The following PALD1 variants were observed in gnomAD, a reference collection of about 807,000 sequenced individuals.
The protein encoded by PALD1 is paladin.
PALD1 carries 57 observed loss-of-function variants against 96.0 expected under a neutral mutation model. That is an observed-to-expected ratio of 0.59 (90% CI 0.48 to 0.74). The LOEUF is 0.74. Among genes scored for constraint, PALD1 ranks in the 30% least tolerant of loss-of-function variants. The pLI is 0.00. For missense variants in PALD1, 1,063 were observed against 1,143.7 expected, an observed-to-expected ratio of 0.93 and a Z score of 1.02; for synonymous variants, 464 against 473.6, an observed-to-expected ratio of 0.98 and a Z score of 0.26.
At chr10:70,538,689 G>A (rs759882812) in intron 12 of PALD1, among the ~76,000 whole-genome samples, 20 of 152,236 alleles carry the variant, frequency 1.3e-4, no homozygotes, top group Non-Finnish European at 2.8e-4. Context: ...TTCTCTTTGA[G>A]CCTCAGCTTC....
chr10:70,513,036 C>T (rs1846544600), intron 1 of PALD1, among the ~76,000 whole-genome samples: 1 of 152,218 alleles, frequency 6.6e-6, no homozygotes, highest in East Asian at 1.9e-4. Context: ...GGGCCACAAG[C>T]CGTCTCCCTC....
chr10:70,469,035 T>C, the PALD1 span, among the ~76,000 whole-genome samples: 1 of 152,114 alleles, frequency 6.6e-6, no homozygotes, highest in South Asian at 2.1e-4. Context: ...GGAAGGCACC[T>C]TGGATTTAGG....
intron 18 of PALD1, among the ~76,000 whole-genome samples, chr10:70,560,019 T>C (rs1404017716): frequency 6.6e-6 from 1 of 152,194 alleles, no homozygotes; most frequent in Non-Finnish European, 1.5e-5. Context: ...AACCTGGTTA[T>C]TGGCTGGTGC....
At chr10:70,564,762 TGAG>T (rs1392371584) in intron 19 of PALD1, among the ~76,000 whole-genome samples, 1 of 152,226 alleles carries the variant, frequency 6.6e-6, no homozygotes, top group East Asian at 1.9e-4. Context: ...AACAAATGAA[TGAG>T]GAGGAGGGAG....
chr10:70,536,572 C>A (rs1280974874), intron 10 of PALD1, among the ~76,000 whole-genome samples: 1 of 152,192 alleles, frequency 6.6e-6, no homozygotes, highest in Non-Finnish European at 1.5e-5. Context: ...TCCAGCCTGC[C>A]GCCTGTCTTT....
the PALD1 span, among the ~76,000 whole-genome samples, chr10:70,473,167 G>A: frequency 2.0e-5 from 3 of 152,320 alleles, no homozygotes; most frequent in South Asian, 6.2e-4. Flanking sequence ...AGCTGACCTG[G>A]AAGGTCCTGC....
At chr10:70,516,106 A>T (rs1463551911) in intron 1 of PALD1, among the ~76,000 whole-genome samples, 1 of 152,186 alleles carries the variant, frequency 6.6e-6, no homozygotes, top group Non-Finnish European at 1.5e-5. Flanking sequence ...ACCCAGTAGA[A>T]ATCTCACAGG....
upstream of PALD1, among the ~76,000 whole-genome samples, chr10:70,474,434 G>A (rs886794999): frequency 6.6e-6 from 1 of 151,998 alleles, no homozygotes; most frequent in South Asian, 2.1e-4. Context: ...GGTGGCGGGC[G>A]CCTGTAATTC....
chr10:70,470,302 C>T, the PALD1 span, among the ~76,000 whole-genome samples: 9 of 152,194 alleles, frequency 5.9e-5, no homozygotes, highest in South Asian at 1.4e-3. Context: ...TACATTTGTG[C>T]ATATGTAAGA....
intron 1 of PALD1, among the ~76,000 whole-genome samples, chr10:70,497,652 T>C (rs922732505): frequency 6.6e-6 from 1 of 151,936 alleles, no homozygotes; most frequent in South Asian, 2.1e-4. Context: ...CTGCAACCTC[T>C]GCCTCCCGAG....
intron 1 of PALD1, among the ~76,000 whole-genome samples, chr10:70,504,003 C>A (rs1846342774): frequency 6.6e-6 from 1 of 152,244 alleles, no homozygotes; most frequent in African/African-American, 2.4e-5. Flanking sequence ...GAGCCCTGCT[C>A]AGCCACCTGC....
rs1244323709 is a variant in PALD1, at chr10:70,566,980, G to A, written c.*247G>A. 2.2e-5 allele frequency: 11 copies of A among 509,860 alleles called. No homozygotes were observed. Among genetic ancestry groups the A allele is most frequent in the Non-Finnish European group, 3.8e-5 (11 of 288,612 alleles). 31.6% of individuals were successfully genotyped at this position (509,860 alleles called of 1,614,324 possible). Reference sequence around the variant, plus strand: ...CCTCCAGGGAGGAGCACTCACTGGAGTGCTCACAAGGTGCACACTGCTGTG... The same window carrying A: ...CCTCCAGGGAGGAGCACTCACTGGAATGCTCACAAGGTGCACACTGCTGTG... On this transcript the variant is annotated 3_prime_UTR_variant, in exon 20 of 20. Coordinates refer to ENST00000263563, the MANE Select transcript of PALD1 (RefSeq NM_014431.3).
chr10:70,545,044 C>T (rs183158371), intron 17 of PALD1, among the ~76,000 whole-genome samples: 295 of 149,360 alleles, frequency 2.0e-3, no homozygotes, highest in African/African-American at 6.1e-3. Flanking sequence ...GCTGGGGCAC[C>T]GGGCAGGTGC....
intron 1 of PALD1, among the ~76,000 whole-genome samples, chr10:70,498,339 G>A (rs1046944433): frequency 2.6e-5 from 4 of 152,168 alleles, no homozygotes; most frequent in African/African-American, 7.2e-5. Flanking sequence ...GAGCACAGTG[G>A]CATGGTCCTA....
At chr10:70,504,812 G>A (rs1418080851) in intron 1 of PALD1, among the ~76,000 whole-genome samples, 1 of 152,208 alleles carries the variant, frequency 6.6e-6, no homozygotes, top group Non-Finnish European at 1.5e-5. Flanking sequence ...GATATGTAAT[G>A]TGAAAAGGGA....
intron 2 of PALD1, among the ~76,000 whole-genome samples, chr10:70,527,553 G>T (rs1846894013): frequency 6.6e-6 from 1 of 152,222 alleles, no homozygotes; most frequent in Non-Finnish European, 1.5e-5. Flanking sequence ...AGTTGCAACA[G>T]GCGCTGTATG....
chr10:70,463,453 C>A, the PALD1 span, among the ~76,000 whole-genome samples: 1 of 151,914 alleles, frequency 6.6e-6, no homozygotes, highest in African/African-American at 2.4e-5. Flanking sequence ...CTCCTCTCAC[C>A]ACCTAGAGGA....
At chr10:70,499,401 A>G (rs900590731) in intron 1 of PALD1, among the ~76,000 whole-genome samples, 4 of 152,142 alleles carry the variant, frequency 2.6e-5, no homozygotes, top group Non-Finnish European at 5.9e-5. Flanking sequence ...AAGCCTCTTT[A>G]TGCAGCAGCC....
chr10:70,467,178 A>C, the PALD1 span, among the ~76,000 whole-genome samples: 28 of 152,164 alleles, frequency 1.8e-4, no homozygotes, highest in South Asian at 1.0e-3. Context: ...GAGAGAAAGC[A>C]GGGTTTCATT....
Sources: allele counts gnomAD v4.1 joint callset (sites outside exome capture counted in the v4.1 genomes callset), GRCh38; gene constraint gnomAD v4.1.1; transcripts MANE v1.5; gene names NCBI Gene and HGNC (gene_info 2026-07-23, HGNC 2026-07-21).